CLIC2: variants seen among roughly 807,000 people sequenced by gnomAD.
The protein encoded by CLIC2 is chloride intracellular channel protein 2.
In CLIC2, 9 loss-of-function variants were observed where a neutral mutation model predicts 14.8. That is an observed-to-expected ratio of 0.61 (90% CI 0.37 to 1.06). The LOEUF (loss-of-function observed/expected upper bound fraction) is 1.06, where lower values mean the gene tolerates loss of function less well. Among genes scored for constraint, CLIC2 ranks in the 50% least tolerant of loss-of-function variants. The pLI, the probability that CLIC2 is intolerant of heterozygous loss-of-function variation, is 0.01. For missense variants in CLIC2, 148 were observed against 181.4 expected (o/e 0.82, Z 1.06); for synonymous variants, 61 against 66.3 (o/e 0.92, Z 0.39).
intron 3 of CLIC2, among the ~76,000 whole-genome samples, chrX:155,280,500 C>T (rs1557316320): frequency 9.0e-6 from 1 of 111,066 alleles, no homozygotes; most frequent in African/African-American, 3.3e-5. Flanking sequence ...TGAGACCAGC[C>T]TGGCCAACAT....
chrX:155,289,613 T>C (rs1342097368), intron 3 of CLIC2, among the ~76,000 whole-genome samples: 12 of 112,039 alleles, frequency 1.1e-4, no homozygotes, highest in Non-Finnish European at 2.3e-4. Context: ...ACATTTTTTA[T>C]TTCCTTTTGA....
chrX:155,286,817 G>A (rs888393124), intron 3 of CLIC2, among the ~76,000 whole-genome samples: 3 of 111,794 alleles, frequency 2.7e-5, no homozygotes, highest in Non-Finnish European at 5.6e-5. Context: ...ATTTGAATGC[G>A]ATTTTTTTCT....
At chrX:155,290,367 A>T in intron 3 of CLIC2, 6 of 386,927 alleles carry the variant, frequency 1.6e-5, no homozygotes, top group East Asian at 4.6e-5. Context: ...AATCAGTAGT[A>T]GCTTCATTTT....
chrX:155,305,245 G>A (rs949013511), intron 1 of CLIC2, among the ~76,000 whole-genome samples: 27 of 112,235 alleles, frequency 2.4e-4, no homozygotes, highest in African/African-American at 4.8e-4. Context: ...CCGTGGGCGT[G>A]GGACCCTCCG....
intron 3 of CLIC2, among the ~76,000 whole-genome samples, chrX:155,281,167 T>C (rs1333380630): frequency 9.3e-6 from 1 of 107,844 alleles, no homozygotes; most frequent in Non-Finnish European, 1.9e-5. Flanking sequence ...CTTTAAGAGG[T>C]CAAATATATA....
chrX:155,306,050 T>A (rs113379309), intron 1 of CLIC2, among the ~76,000 whole-genome samples: 1,920 of 112,194 alleles, frequency 0.017, 51 homozygotes, highest in African/African-American at 0.06. Context: ...TTAGTATTTT[T>A]AAATTTTTAC....
chrX:155,290,299 T>C (rs2074959445), intron 3 of CLIC2: 1 of 265,102 alleles, frequency 3.8e-6, no homozygotes, highest in African/African-American at 2.7e-5. Context: ...TCAGTTCTCC[T>C]GTATTGAAAG....
In CLIC2 at chrX:155,282,252, C is replaced by T. The variant is rs374833158; in HGVS notation, c.294-2184G>A. Among the ~76,000 whole-genome samples the T allele has an allele frequency of 3.6e-5, 4 of 111,700 alleles. No homozygotes were observed. The Admixed American group carries it at 3.8e-4, about 11-fold the overall frequency. ...TTTCTAAGTGAAGCCTTTCTCTGGA[C>T]GCTCAATTGTAACGTTGCAACATCA... On this transcript the variant is annotated intron_variant, in intron 3 of 5. Transcript: ENST00000369449.
At chrX:155,285,670 T>C (rs2074939410) in intron 3 of CLIC2, among the ~76,000 whole-genome samples, 1 of 111,515 alleles carries the variant, frequency 9.0e-6, no homozygotes, top group Non-Finnish European at 1.9e-5. Flanking sequence ...AGCAGACATA[T>C]TGTCACCATG....
chrX:155,293,692 CAT>C (rs1161937888), intron 3 of CLIC2, among the ~76,000 whole-genome samples: 4 of 111,682 alleles, frequency 3.6e-5, no homozygotes, highest in Non-Finnish European at 7.5e-5. Context: ...AGTAAAGACA[CAT>C]ATAGACTGAA....
Position 155,297,884 on chromosome X carries a change from A to AAAAAAAAAAAAAG in CLIC2, c.293+900_293+901insCTTTTTTTTTTTT, listed in dbSNP as rs1557318527. 1.7e-3 allele frequency among the ~76,000 whole-genome samples: 77 copies of AAAAAAAAAAAAAG among 45,222 alleles called. 18 individuals are homozygous for AAAAAAAAAAAAAG. Among genetic ancestry groups the AAAAAAAAAAAAAG allele is most frequent in the East Asian group, 5.6e-3 (6 of 1,062 alleles). 39.3% of individuals were successfully genotyped at this position (45,222 alleles called of 115,157 possible). On this transcript the variant is annotated intron_variant, in intron 3 of 5. Coordinates refer to ENST00000369449, the MANE Select transcript of CLIC2 (RefSeq NM_001289.6). Reference sequence around the variant, plus strand: ...TCAAAAAAAAAAAAAAAAAAAAAAAAAAGAAGGTGAACCATCAGAGAGACA... The same window carrying AAAAAAAAAAAAAG: ...TCAAAAAAAAAAAAAAAAAAAAAAAAAAAAAAAAAAAAGAAGAAGGTGAACCATCAGAGAGACA...
In CLIC2 at chrX:155,276,787, T is replaced by C. The variant is rs1194257814; in HGVS notation, c.*1116A>G. 4 of 112,369 alleles carry C rather than the reference T, an allele frequency of 3.6e-5. No homozygotes were observed. 9.3% of individuals were successfully genotyped at this position (112,369 alleles called of 1,213,427 possible). ...CTCAAAGATTATCAACATGATTGCA[T>C]TTCTCTGCCACCTAACCATACACTA... On this transcript the variant is annotated 3_prime_UTR_variant, in exon 6 of 6. Coordinates refer to ENST00000369449, the MANE Select transcript of CLIC2 (RefSeq NM_001289.6).
At chrX:155,312,363 A>T (rs1402129041) in intron 1 of CLIC2, among the ~76,000 whole-genome samples, 2 of 112,025 alleles carry the variant, frequency 1.8e-5, no homozygotes, top group Non-Finnish European at 3.8e-5. Flanking sequence ...AAAGGGGTCC[A>T]TTTTAAACCT....
chrX:155,300,186 C>T (rs1182978870), intron 1 of CLIC2, among the ~76,000 whole-genome samples: 3 of 109,768 alleles, frequency 2.7e-5, no homozygotes, highest in Non-Finnish European at 5.7e-5. Context: ...AGTTTACAGT[C>T]CCACCAACAG....
intron 1 of CLIC2, among the ~76,000 whole-genome samples, chrX:155,330,330 C>A (rs1434915064): frequency 1.8e-5 from 2 of 110,659 alleles, no homozygotes; most frequent in Non-Finnish European, 3.8e-5. Flanking sequence ...ACTATGTACT[C>A]ACAAAAATTA....
At chrX:155,290,527 G>A in intron 3 of CLIC2, 2 of 570,042 alleles carry the variant, frequency 3.5e-6, no homozygotes, top group Non-Finnish European at 6.4e-6. Flanking sequence ...ATCCATAGTT[G>A]TCTTTCTACA....
intron 1 of CLIC2, among the ~76,000 whole-genome samples, chrX:155,299,867 A>G (rs1454282000): frequency 7.5e-5 from 8 of 106,816 alleles, no homozygotes. Flanking sequence ...GAGAATGATG[A>G]TTTCCAATTT....
chrX:155,312,084 CATATT>C (rs2075076475), intron 1 of CLIC2, among the ~76,000 whole-genome samples: 1 of 111,836 alleles, frequency 8.9e-6, no homozygotes. Flanking sequence ...AATTCAACAA[CATATT>C]AAAATGATCA....
chrX:155,291,028 C>G, intron 3 of CLIC2: 1 of 714,108 alleles, frequency 1.4e-6, no homozygotes, highest in Non-Finnish European at 2.2e-6. Context: ...TCATCTTTAA[C>G]GTGGCCACCT....
Sources: gnomAD v4.1 joint callset for allele counts (sites outside exome capture counted in the v4.1 genomes callset) on GRCh38, gnomAD v4.1.1 for gene constraint, MANE v1.5 for transcripts, NCBI Gene and HGNC (gene_info 2026-07-23, HGNC 2026-07-21) for gene names.